ATRNL1: variants seen among roughly 807,000 people sequenced by gnomAD.
The protein encoded by ATRNL1 is attractin like 1.
A neutral mutation model predicts 182.7 loss-of-function variants in ATRNL1; 95 were observed. The ratio of observed to expected loss-of-function variants is 0.52; its 90% CI spans 0.44 to 0.62. ATRNL1 has a LOEUF of 0.62. Among genes scored for constraint, ATRNL1 ranks in the 20% least tolerant of loss-of-function variants. The pLI is 0.00. For synonymous variants in ATRNL1, 576 were observed against 568.3 expected (o/e 1.01, Z -0.19); for missense variants, 1,471 against 1,679.5 (o/e 0.88, Z 2.17).
intron 19 of ATRNL1, among the ~76,000 whole-genome samples, chr10:115,362,110 T>A (rs1402882833): frequency 6.6e-6 from 1 of 152,076 alleles, no homozygotes; most frequent in Admixed American, 6.6e-5. Context: ...AAATTTACAC[T>A]TCTCATAACA....
chr10:115,373,174 G>A (rs1857485473), intron 19 of ATRNL1, among the ~76,000 whole-genome samples: 1 of 151,964 alleles, frequency 6.6e-6, no homozygotes. Flanking sequence ...ATAGTTCACT[G>A]TTAGTGTATA....
chr10:115,322,452 T>A (rs1173155448), intron 18 of ATRNL1, among the ~76,000 whole-genome samples: 4 of 152,000 alleles, frequency 2.6e-5, no homozygotes, highest in Admixed American at 6.6e-5. Context: ...GGCAAACATG[T>A]TACATTTTTA....
chr10:115,450,844 C>A (rs1415105221), intron 21 of ATRNL1, among the ~76,000 whole-genome samples: 1 of 152,130 alleles, frequency 6.6e-6, no homozygotes, highest in Non-Finnish European at 1.5e-5. Flanking sequence ...AAGAATAAAG[C>A]TGGAGGCTTC....
At chr10:115,643,808 A>G (rs1449249897) in intron 26 of ATRNL1, among the ~76,000 whole-genome samples, 1 of 152,072 alleles carries the variant, frequency 6.6e-6, no homozygotes, top group East Asian at 1.9e-4. Flanking sequence ...CAAACAAACA[A>G]AAACCCCTTA....
intron 25 of ATRNL1, among the ~76,000 whole-genome samples, chr10:115,534,682 A>G (rs561672714): frequency 6.6e-6 from 1 of 151,466 alleles, no homozygotes; most frequent in East Asian, 2.0e-4. Flanking sequence ...TGGTTAGTTG[A>G]TGCAGTTTCT....
intron 28 of ATRNL1, among the ~76,000 whole-genome samples, chr10:115,860,489 G>A (rs1951288947): frequency 6.6e-6 from 1 of 152,130 alleles, no homozygotes; most frequent in African/African-American, 2.4e-5. Flanking sequence ...AAATGGAAAG[G>A]AAGCTGTTGT....
intron 27 of ATRNL1, among the ~76,000 whole-genome samples, chr10:115,791,115 T>A (rs2134211376): frequency 6.6e-6 from 1 of 152,252 alleles, no homozygotes; most frequent in African/African-American, 2.4e-5. Flanking sequence ...TTGCTGAAAA[T>A]CTTTTCTCCC....
intron 26 of ATRNL1, among the ~76,000 whole-genome samples, chr10:115,601,070 A>G (rs1474536685): frequency 2.7e-5 from 4 of 150,690 alleles, no homozygotes; most frequent in African/African-American, 9.8e-5. Flanking sequence ...GATATGTTGC[A>G]TTTTCATTTT....
chr10:115,706,330 A>G (rs1489875722), intron 26 of ATRNL1, among the ~76,000 whole-genome samples: 1 of 151,884 alleles, frequency 6.6e-6, no homozygotes, highest in African/African-American at 2.4e-5. Context: ...CTTCTGTTAT[A>G]AGAGCACTAT....
chr10:115,119,915 T>C (rs1269236517), intron 1 of ATRNL1, among the ~76,000 whole-genome samples: 1 of 152,130 alleles, frequency 6.6e-6, no homozygotes. Context: ...CCTTCAGTAC[T>C]ATGTTCAGTC....
In ATRNL1 at chr10:115,301,940, G is replaced by C; in HGVS notation, c.2715G>C (p.Glu905Asp). ...CCAACTGTACAAGCAATGGCATGGA[G>C]TGTATGTGGTGCAGCAGTACGAAAC... Reference protein sequence around the residue: ...SCSNCTSNGMECMWCSSTKRC... With the variant: ...SCSNCTSNGMDCMWCSSTKRC... Residue 905 changes from glutamate (E) to aspartate (D), a missense_variant, in exon 17 of 29, where the codon GAG (glutamate) becomes GAC (aspartate). Glu to Asp is a conservative substitution (Grantham distance 45, BLOSUM62 2). This residue lies in a region of ATRNL1 where 1,031 missense variants were observed against 1,156.0 expected (regional missense o/e 0.89). Transcript: ENST00000355044. 6.2e-7 allele frequency: 1 copy of C among 1,614,122 alleles called. No individual in the cohort carries two copies. The highest frequency in any genetic ancestry group is 1.1e-5 in the South Asian group (1 of 91,086).
intron 11 of ATRNL1, among the ~76,000 whole-genome samples, 189 bp from the exon 12 acceptor site, chr10:115,266,608 T>A (rs900974730): frequency 6.6e-6 from 1 of 151,726 alleles, no homozygotes; most frequent in African/African-American, 2.4e-5. Context: ...CAAGAAATTA[T>A]ATAGTAGTTC....
chr10:115,552,566 T>A lies in ATRNL1; in HGVS notation c.3795+3030T>A, dbSNP rs372798757. On this transcript the variant is annotated intron_variant, in intron 26 of 28. Transcript: ENST00000355044. The stretch of plus-strand genomic sequence containing the variant: ...AAAATAATCTTTGGAAATGTTTTAA[T>A]ATATTGTGTTCATTCAACTAGATGT... Among the ~76,000 whole-genome samples, 7 of 151,436 alleles carry A rather than the reference T, an allele frequency of 4.6e-5. No individual in the cohort carries two copies. The East Asian group carries it at 1.2e-3, about 25-fold the overall frequency.
chr10:115,389,688 T>G (rs999037388), intron 19 of ATRNL1, among the ~76,000 whole-genome samples: 30 of 150,548 alleles, frequency 2.0e-4, no homozygotes, highest in African/African-American at 7.3e-4. Context: ...TTTGGCATAC[T>G]TATTTCATTT....
chr10:115,913,002 T>C (rs983783537), intron 28 of ATRNL1, among the ~76,000 whole-genome samples: 6 of 152,084 alleles, frequency 3.9e-5, no homozygotes, highest in African/African-American at 1.4e-4. Flanking sequence ...GCAGACAAAT[T>C]GTGAGATAAT....
intron 5 of ATRNL1, among the ~76,000 whole-genome samples, chr10:115,140,659 T>A (rs1376305572): frequency 6.6e-6 from 1 of 152,218 alleles, no homozygotes; most frequent in Non-Finnish European, 1.5e-5. Flanking sequence ...ATCCTATTGC[T>A]CGATTCTTTT....
chr10:115,351,594 G>A (rs1474996608), intron 19 of ATRNL1, among the ~76,000 whole-genome samples: 3 of 152,030 alleles, frequency 2.0e-5, no homozygotes, highest in Admixed American at 6.6e-5. Context: ...CGATTTGTAT[G>A]TTGAACTATC....
intron 25 of ATRNL1, among the ~76,000 whole-genome samples, chr10:115,534,281 G>C (rs11516963): frequency 0.18 from 26,707 of 149,068 alleles, 2,965 homozygotes; most frequent in Non-Finnish European, 0.26. Context: ...TATGAATCTG[G>C]GTGCTCCTGT....
At chr10:115,563,567 A>G (rs1390730360) in intron 26 of ATRNL1, among the ~76,000 whole-genome samples, 1 of 152,158 alleles carries the variant, frequency 6.6e-6, no homozygotes, top group Non-Finnish European at 1.5e-5. Context: ...CTTTTAAAAT[A>G]TATTCTACTG....
Sources: allele counts gnomAD v4.1 joint callset (sites outside exome capture counted in the v4.1 genomes callset), GRCh38; gene constraint gnomAD v4.1.1; regional missense constraint gnomAD v4.1.1; transcripts MANE v1.5; gene names NCBI Gene and HGNC (gene_info 2026-07-23, HGNC 2026-07-21).